BARD1: variants seen among roughly 807,000 people sequenced by gnomAD.
BARD1 encodes BRCA1-associated RING domain protein 1.
In BARD1, 73 loss-of-function variants were observed where a neutral mutation model predicts 77.0. The observed-to-expected ratio is 0.95, with a 90% CI of 0.79 to 1.15. The LOEUF is 1.15. BARD1 is among the 50% of genes most tolerant of loss of function. BARD1 has a pLI of 0.00. For synonymous variants in BARD1, 384 were observed against 338.0 expected (o/e 1.14, Z -1.49); for missense variants, 993 against 938.8 (o/e 1.06, Z -0.75).
intron 1 of BARD1, among the ~76,000 whole-genome samples, chr2:214,801,899 G>A (rs1250671302): frequency 6.8e-6 from 1 of 147,748 alleles, no homozygotes. Flanking sequence ...TTGCTCTGTC[G>A]CCCAGGCTGG....
chr2:214,741,105 A>G (rs1692804355), intron 9 of BARD1, among the ~76,000 whole-genome samples: 1 of 152,144 alleles, frequency 6.6e-6, no homozygotes, highest in African/African-American at 2.4e-5. Context: ...CTCCTCAGCT[A>G]AAACAAAAAT....
At chr2:214,773,920 C>T (rs1283419343) in intron 4 of BARD1, among the ~76,000 whole-genome samples, 5 of 151,456 alleles carry the variant, frequency 3.3e-5, no homozygotes, top group Non-Finnish European at 7.4e-5. Flanking sequence ...CCTCTCAAAC[C>T]CTGCTGCTGT....
intron 4 of BARD1, among the ~76,000 whole-genome samples, chr2:214,773,424 A>C (rs1694599976): frequency 6.6e-6 from 1 of 152,192 alleles, no homozygotes; most frequent in Non-Finnish European, 1.5e-5. Context: ...TGAAGCTCTA[A>C]AATATGTTAA....
chr2:214,776,739 G>A (rs933735232), intron 4 of BARD1, among the ~76,000 whole-genome samples: 12 of 152,146 alleles, frequency 7.9e-5, no homozygotes, highest in South Asian at 2.1e-4. Context: ...GTTACCTTAC[G>A]TGGTGAAAGG....
At chr2:214,800,462 C>A (rs1695965815) in intron 1 of BARD1, among the ~76,000 whole-genome samples, 1 of 152,082 alleles carries the variant, frequency 6.6e-6, no homozygotes, top group South Asian at 2.1e-4. Flanking sequence ...AGCTTGAGCC[C>A]AAGAGTTCAG....
intron 3 of BARD1, among the ~76,000 whole-genome samples, chr2:214,787,276 T>C (rs1435783041): frequency 3.3e-5 from 5 of 151,886 alleles, no homozygotes; most frequent in African/African-American, 1.2e-4. Context: ...GTGTACATAT[T>C]TCCTACCTTA....
intron 9 of BARD1, among the ~76,000 whole-genome samples, chr2:214,740,890 A>C (rs1224026408): frequency 6.6e-6 from 1 of 151,602 alleles, no homozygotes; most frequent in East Asian, 1.9e-4. Flanking sequence ...ATCAATCTTA[A>C]TTTATACGAA....
At chr2:214,775,822 C>G (rs1018123260) in intron 4 of BARD1, among the ~76,000 whole-genome samples, 7 of 152,138 alleles carry the variant, frequency 4.6e-5, no homozygotes, top group African/African-American at 1.7e-4. Flanking sequence ...GATACTGACT[C>G]CAGGAGGTGT....
chr2:214,746,161 T>G (rs1693107273), intron 7 of BARD1, among the ~76,000 whole-genome samples: 2 of 152,142 alleles, frequency 1.3e-5, no homozygotes, highest in South Asian at 4.1e-4. Flanking sequence ...TTTTCCCAAG[T>G]AACTTAAAAT....
chr2:214,734,351 G>A (rs1027808697), intron 9 of BARD1, among the ~76,000 whole-genome samples: 21 of 152,042 alleles, frequency 1.4e-4, no homozygotes, highest in African/African-American at 5.1e-4. Flanking sequence ...ACATCATTAA[G>A]AAAATATGGA....
At chr2:214,801,851 G>GGGC (rs1553626686) in intron 1 of BARD1, among the ~76,000 whole-genome samples, 2 of 88,220 alleles carry the variant, frequency 2.3e-5, no homozygotes, top group Non-Finnish European at 4.9e-5. Flanking sequence ...ATATTTGGCG[G>GGGC]GGGGGGGGGT....
At chr2:214,797,180 A>C in intron 1 of BARD1, 63 bp from the exon 2 acceptor site, 5 of 1,292,660 alleles carry the variant, frequency 3.9e-6, no homozygotes, top group Non-Finnish European at 4.5e-6. Flanking sequence ...CTCACACCCA[A>C]TATTTCATCC....
intron 6 of BARD1, among the ~76,000 whole-genome samples, chr2:214,763,718 A>G (rs1694064579): frequency 6.6e-6 from 1 of 152,186 alleles, no homozygotes. Context: ...TACAGTAAGC[A>G]GAGACAGAAA....
chr2:214,762,590 A>C (rs1224465084), intron 6 of BARD1, among the ~76,000 whole-genome samples: 4 of 152,186 alleles, frequency 2.6e-5, no homozygotes, highest in African/African-American at 9.7e-5. Context: ...AAAATCACAA[A>C]TCACTCTAAC....
intron 1 of BARD1, among the ~76,000 whole-genome samples, chr2:214,805,485 A>G (rs968573852): frequency 6.6e-6 from 1 of 152,212 alleles, no homozygotes; most frequent in Non-Finnish European, 1.5e-5. Flanking sequence ...AGAAAGGCAA[A>G]AGCTGAACCC....
chr2:214,784,382 T>C (rs1695175418), intron 3 of BARD1, among the ~76,000 whole-genome samples: 1 of 152,144 alleles, frequency 6.6e-6, no homozygotes, highest in Non-Finnish European at 1.5e-5. Flanking sequence ...AAACAACAGA[T>C]GCTGGAGAGG....
At chr2:214,749,520 GC>G (rs780790510) in intron 7 of BARD1, among the ~76,000 whole-genome samples, 116 of 152,114 alleles carry the variant, frequency 7.6e-4, no homozygotes, top group Middle Eastern at 3.4e-3. Flanking sequence ...TTTCTGAAAG[GC>G]ACTGCCACCC....
At chr2:214,784,589 G>A (rs1695185824) in intron 3 of BARD1, among the ~76,000 whole-genome samples, 1 of 152,122 alleles carries the variant, frequency 6.6e-6, no homozygotes, top group Non-Finnish European at 1.5e-5. Flanking sequence ...TATGTTTATT[G>A]TAGCACTGTT....
chr2:214,770,162 G>C lies in BARD1; in HGVS notation c.1315-850C>G, dbSNP rs866143081. On this transcript the variant is annotated intron_variant, in intron 4 of 10. Transcript: ENST00000260947. ...TGCTCTGTTTAAAATGGCAAAAAAA[G>C]AGATCAGTACAAACCTATTCAAATC... Among the ~76,000 whole-genome samples, 47 of 152,084 alleles carry C rather than the reference G, an allele frequency of 3.1e-4. 1 individual carries two copies. Among genetic ancestry groups the C allele is most frequent in the African/African-American group, 1.1e-3 (45 of 41,412 alleles).
Sources: gnomAD v4.1 joint callset for allele counts (sites outside exome capture counted in the v4.1 genomes callset) on GRCh38, gnomAD v4.1.1 for gene constraint, MANE v1.5 for transcripts, NCBI Gene and HGNC (gene_info 2026-07-23, HGNC 2026-07-21) for gene names.